SLC26A5: variants seen among roughly 807,000 people sequenced by gnomAD.
The protein encoded by SLC26A5 is solute carrier family 26 member 5, also known as prestin.
A neutral mutation model predicts 81.0 loss-of-function variants in SLC26A5; 51 were observed. That is an observed-to-expected ratio of 0.63 (90% CI 0.50 to 0.80). The LOEUF is 0.80. Ranked by LOEUF, SLC26A5 falls within the 30% of genes least tolerant of loss-of-function variation. The pLI, the probability that SLC26A5 is intolerant of heterozygous loss-of-function variation, is 0.00. For missense variants in SLC26A5, 771 were observed against 905.8 expected, an observed-to-expected ratio of 0.85 and a Z score of 1.91; for synonymous variants, 325 against 332.8, an observed-to-expected ratio of 0.98 and a Z score of 0.25.
At chr7:103,428,751 A>G (rs190690542) in intron 2 of SLC26A5, among the ~76,000 whole-genome samples, 27 of 152,162 alleles carry the variant, frequency 1.8e-4, no homozygotes, top group South Asian at 6.2e-4. Context: ...TATTTTTACT[A>G]GAGATGGGGT....
At chr7:103,377,257 C>A (rs944824772) in intron 18 of SLC26A5, among the ~76,000 whole-genome samples, 11 of 152,106 alleles carry the variant, frequency 7.2e-5, no homozygotes, top group African/African-American at 2.7e-4. Context: ...TAGCATATTA[C>A]AGTAATGTTT....
chr7:103,367,402 T>C lies in SLC26A5; in HGVS notation c.2041+9406A>G. ...GACTTGAAGAGCTTATCTTTCCTTT[T>C]GTCTTCTCAGGGGCTCGTTTTGATG... On this transcript the variant is annotated intron_variant, in intron 19 of 19. Transcript: ENST00000339444. This position sits in a 1 kb window ranked among gnomAD's most constrained non-coding sequence, Gnocchi z 6.1. 6.2e-7 allele frequency: 1 copy of C among 1,612,978 alleles called. No individual in the cohort carries two copies. The highest frequency in any genetic ancestry group is 8.5e-7 in the Non-Finnish European group (1 of 1,179,790).
chr7:103,379,415 GA>G, intron 15 of SLC26A5, 80 bp from the exon 16 acceptor site: 1 of 808,170 alleles, frequency 1.2e-6, no homozygotes, highest in Non-Finnish European at 1.9e-6. Context: ...ACCCCAAATA[GA>G]AAATGAATGC....
chr7:103,370,478 G>C (rs1277694725), downstream of SLC26A5, among the ~76,000 whole-genome samples: 2 of 150,666 alleles, frequency 1.3e-5, no homozygotes, highest in South Asian at 2.1e-4. Context: ...CCACGCAAGA[G>C]AGCAGACTCA....
intron 4 of SLC26A5, among the ~76,000 whole-genome samples, chr7:103,417,285 G>T (rs538152432): frequency 2.0e-5 from 3 of 150,520 alleles, no homozygotes; most frequent in African/African-American, 7.3e-5. Context: ...CAGGAGAATT[G>T]CTTGAATCCG....
At chr7:103,380,592 C>G in intron 14 of SLC26A5, 43 bp from the exon 15 acceptor site, 1 of 1,554,018 alleles carries the variant, frequency 6.4e-7, no homozygotes, top group Non-Finnish European at 8.9e-7. Flanking sequence ...TGAGGCACAG[C>G]GTGTGATTTC....
Position 103,374,568 on chromosome 7 carries a change from C to T in SLC26A5, c.2066G>A (p.Arg689Gln), listed in dbSNP as rs201060425. The change falls in exon 20 of 20, where the codon CGG (arginine) becomes CAG (glutamine). Residue 689 changes from arginine to glutamine, a missense_variant. Arg to Gln is a conservative substitution (Grantham distance 43). Coordinates refer to ENST00000306312, the MANE Select transcript of SLC26A5 (RefSeq NM_198999.3). ...GGCAGGATTTTCAAAAAATCTATTC[C>T]GAGTGAGGTCATTCACAACTTGTGC... is the stretch of plus-strand genomic sequence containing the variant. ...CSAQVVNDLT[R>Q]NRFFENPALW... 105 of 1,613,806 alleles carry T rather than the reference C, an allele frequency of 6.5e-5. No homozygotes were observed. Among genetic ancestry groups the T allele is most frequent in the Middle Eastern group, 1.7e-4 (1 of 6,012 alleles).
downstream of SLC26A5, among the ~76,000 whole-genome samples, chr7:103,370,848 TTTTC>T (rs1820992753): frequency 6.6e-6 from 1 of 152,230 alleles, no homozygotes; most frequent in Non-Finnish European, 1.5e-5. Context: ...GTCAAAGGAC[TTTTC>T]TTTATGGGAC....
intron 4 of SLC26A5, 50 bp from the exon 5 acceptor site, chr7:103,413,162 G>T (rs1464703489): frequency 1.7e-6 from 2 of 1,202,608 alleles, no homozygotes; most frequent in South Asian, 1.2e-5. Flanking sequence ...GAAGACAGAG[G>T]TGTTACATGT....
At chr7:103,357,060 T>G (rs7782185) in intron 19 of SLC26A5, among the ~76,000 whole-genome samples, 7,995 of 152,240 alleles carry the variant, frequency 0.053, 293 homozygotes, top group South Asian at 0.14. Context: ...GCACGGCAGC[T>G]CACGCCTGTA....
intron 2 of SLC26A5, among the ~76,000 whole-genome samples, chr7:103,432,911 T>C (rs1401020389): frequency 1.3e-5 from 2 of 152,152 alleles, no homozygotes; most frequent in East Asian, 1.9e-4. Flanking sequence ...TTGTTTAATA[T>C]GGTTTGAGGC....
intron 2 of SLC26A5, among the ~76,000 whole-genome samples, chr7:103,431,617 T>C (rs1826091387): frequency 6.6e-6 from 1 of 152,118 alleles, no homozygotes; most frequent in Non-Finnish European, 1.5e-5. Flanking sequence ...TGAGCCACTG[T>C]AGCCAGCCAC....
intron 19 of SLC26A5, chr7:103,362,782 G>A: frequency 7.2e-7 from 1 of 1,382,162 alleles, no homozygotes; most frequent in Non-Finnish European, 1.0e-6. Flanking sequence ...GGAGGGAAAA[G>A]GAAGGCTATG....
chr7:103,361,552 A>G (rs1035783233), intron 19 of SLC26A5, among the ~76,000 whole-genome samples: 1 of 151,308 alleles, frequency 6.6e-6, no homozygotes. Context: ...GATTTAAAGT[A>G]TAAACTCAGG....
At chr7:103,410,031 A>G (rs1042762215) in intron 7 of SLC26A5, among the ~76,000 whole-genome samples, 16 of 152,112 alleles carry the variant, frequency 1.1e-4, no homozygotes, top group Admixed American at 6.5e-5. Context: ...TTGAGAGAGA[A>G]ATGTTCTACC....
At chr7:103,432,671 A>C (rs1276772123) in intron 2 of SLC26A5, among the ~76,000 whole-genome samples, 1 of 151,722 alleles carries the variant, frequency 6.6e-6, no homozygotes, top group Non-Finnish European at 1.5e-5. Flanking sequence ...CATTGTTTTA[A>C]ATTCTTGGGG....
chr7:103,394,829 A>C (rs1270489470), intron 9 of SLC26A5, among the ~76,000 whole-genome samples: 1 of 152,202 alleles, frequency 6.6e-6, no homozygotes, highest in Non-Finnish European at 1.5e-5. Flanking sequence ...TGCTTCGAGC[A>C]ACAGAATGTG....
At chr7:103,390,327 T>A in intron 12 of SLC26A5, 102 bp downstream of exon 12, 1 of 1,073,196 alleles carries the variant, frequency 9.3e-7, no homozygotes. Flanking sequence ...CCTGTGAGGG[T>A]TACAGTAAAT....
Position 103,411,530 on chromosome 7 carries a change from C to G in SLC26A5, c.460G>C (p.Asp154His), listed in dbSNP as rs1352988404. 1 of 1,614,174 alleles carries G rather than the reference C, an allele frequency of 6.2e-7. No individual in the cohort carries two copies. Among genetic ancestry groups the G allele is most frequent in the Non-Finnish European group, 8.5e-7 (1 of 1,180,030 alleles). Residue 154 changes from aspartate (D) to histidine (H), a missense_variant, in exon 6 of 20, where the codon GAT becomes CAT. Physicochemically the swap from Asp to His is moderately conservative, Grantham distance 81. Coordinates refer to ENST00000306312, the MANE Select transcript of SLC26A5 (RefSeq NM_198999.3). ...ACTCCTCCTGGAATGACTATATCAT[C>G]TGGTACTAATCGAACAGCTACACCA... ...IGGVAVRLVP[D>H]DIVIPGGVNA... is the part of the protein sequence containing the mutation.
Sources: gnomAD v4.1 joint callset for allele counts (sites outside exome capture counted in the v4.1 genomes callset) on GRCh38, gnomAD v4.1.1 for gene constraint, Gnocchi (gnomAD v3.1) non-coding constraint, MANE v1.5 for transcripts, NCBI Gene and HGNC (gene_info 2026-07-23, HGNC 2026-07-21) for gene names.